BCAR3: variants seen among roughly 807,000 people sequenced by gnomAD.
BCAR3 encodes breast cancer anti-estrogen resistance protein 3.
Under a neutral mutation model 80.1 loss-of-function variants are expected in BCAR3, and 37 were observed. The ratio of observed to expected loss-of-function variants is 0.46; its 90% confidence interval spans 0.36 to 0.61. BCAR3 has a LOEUF of 0.61. Ranked by LOEUF, BCAR3 falls within the 20% of genes least tolerant of loss-of-function variation. The pLI, the probability that BCAR3 is intolerant of heterozygous loss-of-function variation, is 0.00. For synonymous variants in BCAR3, 389 were observed against 418.9 expected (o/e 0.93, Z 0.87); for missense variants, 978 against 1,068.2 (o/e 0.92, Z 1.18).
At chr1:93,765,940 C>T (rs1416121227) in intron 2 of BCAR3, among the ~76,000 whole-genome samples, 2 of 152,196 alleles carry the variant, frequency 1.3e-5, no homozygotes, top group Admixed American at 6.5e-5. Context: ...GCTGAGATTA[C>T]AGGCATAAGC....
chr1:93,761,529 T>C (rs12408537), intron 2 of BCAR3, among the ~76,000 whole-genome samples: 18,012 of 152,146 alleles, frequency 0.12, 1,500 homozygotes, highest in African/African-American at 0.23. Context: ...AGTCTTTTCT[T>C]TGTTTTCACC....
chr1:93,613,893 G>T, intron 3 of BCAR3: 6 of 1,550,606 alleles, frequency 3.9e-6, no homozygotes, highest in Non-Finnish European at 5.2e-6. Flanking sequence ...GCACAGAGCT[G>T]CTGAGAGGGC....
intron 2 of BCAR3, among the ~76,000 whole-genome samples, chr1:93,659,038 G>T (rs1647526966): frequency 6.6e-6 from 1 of 152,160 alleles, no homozygotes; most frequent in South Asian, 2.1e-4. Context: ...GCAAACTGGG[G>T]GCTTCCGCTC....
chr1:93,761,217 C>A (rs1651934631), intron 2 of BCAR3, among the ~76,000 whole-genome samples: 1 of 152,160 alleles, frequency 6.6e-6, no homozygotes, highest in Non-Finnish European at 1.5e-5. Flanking sequence ...GGAACCTCCA[C>A]TCCCTAGAAC....
intron 2 of BCAR3, among the ~76,000 whole-genome samples, chr1:93,844,450 G>A (rs1170331752): frequency 1.3e-5 from 2 of 152,196 alleles, no homozygotes; most frequent in African/African-American, 4.8e-5. Context: ...TCTGTTGGCA[G>A]GAAGAGGTTG....
chr1:93,768,752 G>A (rs1197092692), intron 2 of BCAR3, among the ~76,000 whole-genome samples: 3 of 152,178 alleles, frequency 2.0e-5, no homozygotes, highest in African/African-American at 7.2e-5. Context: ...GGGGATGCTG[G>A]AGGCCTCTCA....
At chr1:93,596,355 A>G (rs1167717080) in intron 3 of BCAR3, among the ~76,000 whole-genome samples, 1 of 152,242 alleles carries the variant, frequency 6.6e-6, no homozygotes, top group Non-Finnish European at 1.5e-5. Flanking sequence ...ACATTGTTCA[A>G]ATCCACCCCA....
chr1:93,729,798 G>A (rs1356977168), intron 2 of BCAR3, among the ~76,000 whole-genome samples: 1 of 152,210 alleles, frequency 6.6e-6, no homozygotes, highest in Non-Finnish European at 1.5e-5. Context: ...CTGGGGAAAT[G>A]AGAGCCTCTG....
intron 2 of BCAR3, among the ~76,000 whole-genome samples, chr1:93,840,799 C>T (rs1654933042): frequency 6.6e-6 from 1 of 152,182 alleles, no homozygotes; most frequent in Non-Finnish European, 1.5e-5. Flanking sequence ...CTTTCAAGAG[C>T]TTCTGGTCTA....
At chr1:93,658,595 T>C (rs1647500850) in intron 2 of BCAR3, among the ~76,000 whole-genome samples, 2 of 152,114 alleles carry the variant, frequency 1.3e-5, no homozygotes, top group South Asian at 2.1e-4. Flanking sequence ...GAGGTTGCAG[T>C]GAGCCGAGAT....
chr1:93,704,026 G>A lies in BCAR3; in HGVS notation c.-12+2066C>T, dbSNP rs373163822. Among the ~76,000 whole-genome samples, 4 of 152,230 alleles carry A rather than the reference G, an allele frequency of 2.6e-5. No homozygotes were observed. In the East Asian group the frequency reaches 7.7e-4, roughly 29 times the overall value. On this transcript the variant is annotated intron_variant, in intron 3 of 13. Coordinates refer to the BCAR3 transcript ENST00000370244. Reference sequence around the variant, plus strand: ...CTAGCCACATTTCAGGTGCTGAATAGCCAATGTGGCTAGTGGTTAGTGGTA... The same window carrying A: ...CTAGCCACATTTCAGGTGCTGAATAACCAATGTGGCTAGTGGTTAGTGGTA...
At chr1:93,642,453 C>T (rs1213947227) in intron 2 of BCAR3, 110 bp from the exon 3 acceptor site, 3 of 1,062,510 alleles carry the variant, frequency 2.8e-6, no homozygotes, top group Admixed American at 3.7e-5. Context: ...CTAAGCTGGG[C>T]CCCATCTCCC....
intron 2 of BCAR3, among the ~76,000 whole-genome samples, chr1:93,726,806 C>A (rs1032920170): frequency 3.3e-5 from 5 of 152,144 alleles, no homozygotes; most frequent in Admixed American, 3.3e-4. Flanking sequence ...AAAAAACAAA[C>A]CACTAAATTT....
At chr1:93,799,486 C>T (rs1320407722) in intron 2 of BCAR3, among the ~76,000 whole-genome samples, 1 of 152,150 alleles carries the variant, frequency 6.6e-6, no homozygotes, top group East Asian at 1.9e-4. Flanking sequence ...GTCTTTCAGT[C>T]TTTGGAGTTG....
chr1:93,844,473 C>T (rs1478412589), intron 2 of BCAR3, among the ~76,000 whole-genome samples: 3 of 152,124 alleles, frequency 2.0e-5, no homozygotes, highest in African/African-American at 7.2e-5. Flanking sequence ...TTCTCACTTG[C>T]GGGAATTCTT....
chr1:93,684,425 A>G (rs1648904490), upstream of BCAR3, among the ~76,000 whole-genome samples: 2 of 152,214 alleles, frequency 1.3e-5, no homozygotes, highest in African/African-American at 2.4e-5. Flanking sequence ...GAGTAAGTGA[A>G]TATATGCCCA....
At chr1:93,703,879 C>T (rs559402746) in intron 3 of BCAR3, among the ~76,000 whole-genome samples, 32 of 152,274 alleles carry the variant, frequency 2.1e-4, no homozygotes, top group Admixed American at 7.8e-4. Context: ...CAGGGAGTGA[C>T]GAGTGCACGA....
chr1:93,564,059 T>C lies in BCAR3; in HGVS notation c.2300-1640A>G, dbSNP rs200268809. On this transcript the variant is annotated intron_variant, in intron 11 of 11. Coordinates refer to ENST00000260502, the MANE Select transcript of BCAR3 (RefSeq NM_003567.4). ...GGTATCTCATTGTGGTTGGTTTAAA[T>C]TTACATTTCCCTAATGATGAATGCT... 6.6e-5 allele frequency among the ~76,000 whole-genome samples: 10 copies of C among 152,246 alleles called. No individual in the cohort carries two copies. The East Asian group carries it at 1.9e-3, about 29-fold the overall frequency.
intron 3 of BCAR3, among the ~76,000 whole-genome samples, chr1:93,622,591 A>C (rs960567697): frequency 1.3e-5 from 2 of 152,166 alleles, no homozygotes; most frequent in Admixed American, 1.3e-4. Context: ...GGAGGCAACA[A>C]AGGCTTGCTG....
Sources: allele counts gnomAD v4.1 joint callset (sites outside exome capture counted in the v4.1 genomes callset), GRCh38; gene constraint gnomAD v4.1.1; transcripts MANE v1.5; gene names NCBI Gene and HGNC (gene_info 2026-07-23, HGNC 2026-07-21).